PGAM5: variants seen among roughly 807,000 people sequenced by gnomAD.
The protein encoded by PGAM5 is PGAM family member 5, mitochondrial serine/threonine protein phosphatase, also known as serine/threonine-protein phosphatase PGAM5, mitochondrial.
In PGAM5, 25 loss-of-function variants were observed where a neutral mutation model predicts 30.6. The ratio of observed to expected loss-of-function variants is 0.82; its 90% CI spans 0.60 to 1.14. The LOEUF is 1.14. PGAM5 is among the 50% of genes most tolerant of loss of function. The pLI, the probability that PGAM5 is intolerant of heterozygous loss-of-function variation, is 0.00. For synonymous variants in PGAM5, 201 were observed against 179.1 expected (o/e 1.12, Z -0.98); for missense variants, 384 against 408.5 (o/e 0.94, Z 0.52).
At chr12:132,717,899 G>C (rs1335672905) in intron 4 of PGAM5, 88 bp from the exon 5 acceptor site, 2 of 1,599,166 alleles carry the variant, frequency 1.3e-6, no homozygotes, top group Non-Finnish European at 1.7e-6. Context: ...CGTCCCACGG[G>C]CTTCCCCGGG....
Position 132,717,325 on chromosome 12 carries a change from C to T in PGAM5, c.371-114C>T, listed in dbSNP as rs1194080822. 160 of 903,378 alleles carry T rather than the reference C, an allele frequency of 1.8e-4. No individual in the cohort carries two copies. In the African/African-American group the frequency reaches 2.9e-3, roughly 16 times the overall value. The allele number at this position is 903,378 out of a possible 1,614,324, so 56.0% of individuals were successfully genotyped here. A position where few individuals can be genotyped will look rare whatever the true frequency, so the allele number is the denominator to read the frequency against. On this transcript the variant is annotated intron_variant, in intron 2 of 5. Coordinates refer to ENST00000498926, the MANE Select transcript of PGAM5 (RefSeq NM_001170543.2). ...GGGCGGAGGAGGGGGTGTTTGCGGG[C>T]GGAGGAGGGGGTGTTTGAGGGTGGA...
intron 5 of PGAM5, chr12:132,718,697 G>A (rs2043612695): frequency 1.9e-6 from 3 of 1,559,560 alleles, no homozygotes; most frequent in Non-Finnish European, 2.6e-6. Flanking sequence ...CTTTGTAATT[G>A]AACGTCCTGT....
At position 132,711,020 on chromosome 12, in the gene PGAM5, G is replaced by T. The variant is rs1280713227; in HGVS notation, c.144G>T (p.Ala48=). The change falls in exon 1 of 6, where the codon GCG becomes GCT. Residue 48 remains alanine (A), a synonymous_variant. Transcript: ENST00000498926. ...GCCCGGCTGAGCCGCCGGCCTGGGCGGGGGGCGCGCGGCCGGGCCCCGGTG... is the reference window on the plus strand; with the variant it reads ...GCCCGGCTGAGCCGCCGGCCTGGGCTGGGGGCGCGCGGCCGGGCCCCGGTG... The part of the protein sequence containing the change: ...EPRPAEPPAW[A]GGARPGPGVW... The T allele has an allele frequency of 4.1e-6, 5 of 1,214,726 alleles. No individual in the cohort carries two copies. In the African/African-American group the frequency reaches 6.3e-5, roughly 15 times the overall value. The allele number at this position is 1,214,726 out of a possible 1,614,324, so 75.2% of individuals were successfully genotyped here.
Position 132,717,765 on chromosome 12 carries a change from C to A in PGAM5, c.552C>A (p.Asp184Glu). 4 of 1,587,700 alleles carry A rather than the reference C, an allele frequency of 2.5e-6. No individual in the cohort carries two copies. Among genetic ancestry groups the A allele is most frequent in the Non-Finnish European group, 3.4e-6 (4 of 1,167,296 alleles). Residue 184 changes from aspartate (D) to glutamate (E), a missense_variant, in exon 4 of 6, where the codon GAC (aspartate) becomes GAA (glutamate). Transcript: ENST00000498926. ...LLREGAPIEP[D>E]PPVSHWKPEA... ...GGGAAGGCGCCCCCATCGAGCCAGA[C>A]CCGCCCGTGTCTCATTGGAAGCCGG...
chr12:132,719,285 C>T (rs2043620138), intron 5 of PGAM5: 13 of 1,029,100 alleles, frequency 1.3e-5, no homozygotes, highest in Admixed American at 5.1e-5. Context: ...TCAGTGATGC[C>T]GTGTGAGGCT....
intron 5 of PGAM5, among the ~76,000 whole-genome samples, chr12:132,719,365 TCAAGAGCAG>T (rs1011464665): frequency 1.3e-5 from 2 of 152,082 alleles, no homozygotes; most frequent in African/African-American, 4.8e-5. Context: ...AGCACCATGG[TCAAGAGCAG>T]CAGCTCCCAG....
chr12:132,711,829 G>A (rs1317537270), intron 1 of PGAM5: 1 of 151,734 alleles, frequency 6.6e-6, no homozygotes, highest in Non-Finnish European at 1.5e-5. Context: ...CATTAGTTAT[G>A]TGTTGAAATA....
intron 5 of PGAM5, chr12:132,719,075 G>T: frequency 7.1e-7 from 1 of 1,408,060 alleles, no homozygotes; most frequent in Non-Finnish European, 9.2e-7. Context: ...CACGTTAGAG[G>T]GCCCCTTGGG....
At chr12:132,718,642 G>A (rs1363305484) in intron 5 of PGAM5, 1 of 1,072,686 alleles carries the variant, frequency 9.3e-7, no homozygotes, top group Non-Finnish European at 1.4e-6. Flanking sequence ...GGGGGGTCCT[G>A]GGTACGGTGC....
intron 5 of PGAM5, 28 bp from the exon 6 acceptor site, chr12:132,720,650 C>CTT (rs950325109): frequency 2.0e-6 from 3 of 1,527,480 alleles, no homozygotes; most frequent in Admixed American, 4.0e-5. Context: ...CTCTAACGTG[C>CTT]TCTTTCTCTC....
At chr12:132,712,778 C>G (rs146483209) in intron 1 of PGAM5, among the ~76,000 whole-genome samples, 18 of 151,736 alleles carry the variant, frequency 1.2e-4, no homozygotes, top group Admixed American at 1.2e-3. Context: ...TTTTAAAAAT[C>G]AGAATTCTGA....
chr12:132,715,892 C>T (rs1432004337), intron 2 of PGAM5, among the ~76,000 whole-genome samples: 1 of 152,134 alleles, frequency 6.6e-6, no homozygotes, highest in Non-Finnish European at 1.5e-5. Context: ...AAAAAAAAGC[C>T]CTTAACTTTT....
At chr12:132,711,195 C>T (rs918228876) in intron 1 of PGAM5, 128 bp downstream of exon 1, 1 of 748,420 alleles carries the variant, frequency 1.3e-6, no homozygotes. Context: ...GTCTGCTTTC[C>T]CCAGCGGAGG....
At chr12:132,718,661 C>T (rs1214687612) in intron 5 of PGAM5, 15 of 1,280,998 alleles carry the variant, frequency 1.2e-5, no homozygotes, top group African/African-American at 8.9e-5. Flanking sequence ...GCATGCTGGG[C>T]GTCCGCACTG....
chr12:132,711,135 A>C (rs7973452), intron 1 of PGAM5, 68 bp downstream of exon 1: 2 of 1,120,242 alleles, frequency 1.8e-6, no homozygotes, highest in South Asian at 4.5e-5. Flanking sequence ...GTTGGGATCG[A>C]GATCGGGACC....
Position 132,717,715 on chromosome 12 carries a change from T to G in PGAM5, c.502T>G (p.Cys168Gly), listed in dbSNP as rs2043595747. The G allele has an allele frequency of 6.4e-7, 1 of 1,573,412 alleles. No homozygotes were observed. Among genetic ancestry groups the G allele is most frequent in the Non-Finnish European group, 8.6e-7 (1 of 1,159,464 alleles). ...TTCGCTGTGCTTCTCTGCAGGCGTC[T>G]GCAAAGTCAGCACAGATCTGCTGCG... ...DIISRHLPGV[C>G]KVSTDLLREG... The change falls in exon 4 of 6, where the codon TGC (cysteine) becomes GGC (glycine). Residue 168 changes from cysteine to glycine, a missense_variant. Coordinates refer to ENST00000498926, the MANE Select transcript of PGAM5 (RefSeq NM_001170543.2).
chr12:132,716,088 CTTGT>C (rs1424093933), intron 2 of PGAM5, among the ~76,000 whole-genome samples: 9 of 151,706 alleles, frequency 5.9e-5, no homozygotes, highest in African/African-American at 7.3e-5. Context: ...CTGGCGTCTG[CTTGT>C]TTGTTTGTTT....
chr12:132,720,270 C>T (rs969264521), intron 5 of PGAM5, among the ~76,000 whole-genome samples: 1 of 150,998 alleles, frequency 6.6e-6, no homozygotes, highest in African/African-American at 2.5e-5. Context: ...CAGCCTGGCC[C>T]AGCCTCTTTT....
At chr12:132,720,543 G>T in intron 5 of PGAM5, 135 bp from the exon 6 acceptor site, 2 of 834,128 alleles carry the variant, frequency 2.4e-6, no homozygotes, top group Non-Finnish European at 3.6e-6. Context: ...TCCTGACCTT[G>T]TGATCCACCC....
Sources: gnomAD v4.1 joint callset for allele counts (sites outside exome capture counted in the v4.1 genomes callset) on GRCh38, gnomAD v4.1.1 for gene constraint, MANE v1.5 for transcripts, NCBI Gene and HGNC (gene_info 2026-07-23, HGNC 2026-07-21) for gene names.